Variants in ARHGAP4 observed in about 807,000 individuals in gnomAD.
The protein encoded by ARHGAP4 is rho GTPase-activating protein 4.
In ARHGAP4, 25 loss-of-function variants were observed where a neutral mutation model predicts 67.6. That is an observed-to-expected ratio of 0.37 (90% CI 0.27 to 0.52). The LOEUF is 0.52. Among genes scored for constraint, ARHGAP4 ranks in the 20% least tolerant of loss-of-function variants. ARHGAP4 has a pLI of 0.92. For missense variants in ARHGAP4, 804 were observed against 854.6 expected (o/e 0.94, Z 0.74); for synonymous variants, 448 against 373.7 (o/e 1.20, Z -2.29).
At chrX:153,920,915 T>A (rs949451421) in intron 4 of ARHGAP4, 107 bp from the exon 5 acceptor site, 243 of 1,069,731 alleles carry the variant, frequency 2.3e-4, no homozygotes, top group South Asian at 3.4e-4. Context: ...AGCTGGGCGA[T>A]CCCATGTGAG....
At chrX:153,922,969 C>T (rs1164450156) in intron 1 of ARHGAP4, among the ~76,000 whole-genome samples, 5 of 110,668 alleles carry the variant, frequency 4.5e-5, no homozygotes, top group Non-Finnish European at 9.5e-5. Flanking sequence ...GGGAGGACCT[C>T]TTTTTAAAGG....
chrX:153,910,657 C>G (rs1557102914), intron 15 of ARHGAP4, 43 bp downstream of exon 15: 1 of 1,181,845 alleles, frequency 8.5e-7, no homozygotes, highest in African/African-American at 1.8e-5. Flanking sequence ...CGGGGCTGCC[C>G]CAGCAAGTGC....
chrX:153,916,602 A>G (rs907189925), intron 7 of ARHGAP4, among the ~76,000 whole-genome samples: 4 of 113,005 alleles, frequency 3.5e-5, no homozygotes, highest in Admixed American at 1.9e-4. Context: ...CACCACAGAC[A>G]CCCACATTTG....
At position 153,910,012 on chromosome X, in the gene ARHGAP4, C is replaced by T. The variant is rs1557102521; in HGVS notation, c.2230G>A (p.Asp744Asn). 8.3e-7 allele frequency: 1 copy of T among 1,211,322 alleles called. No homozygotes were observed. Among genetic ancestry groups the T allele is most frequent in the East Asian group, 3.0e-5 (1 of 33,842 alleles). Residue 744 changes from aspartate (D) to asparagine (N), a missense_variant and splice_region_variant, in exon 18 of 22, where the codon GAC (aspartate) becomes AAC (asparagine). Physicochemically the swap from Asp to Asn is conservative, Grantham distance 23. Transcript: ENST00000350060. Reference sequence around the variant, plus strand: ...GGGGCTCTCTGCCCATCGCCCTCACCATCCTCCTGTGCGGGCATCTCGGCT... The same window carrying T: ...GGGGCTCTCTGCCCATCGCCCTCACTATCCTCCTGTGCGGGCATCTCGGCT... ...LEAEMPAQED[D>N]LEGVVEAVAC...
At position 153,921,716 on chromosome X, in the gene ARHGAP4, C is replaced by T; in HGVS notation, c.161G>A (p.Arg54Gln). 2 of 1,203,604 alleles carry T rather than the reference C, an allele frequency of 1.7e-6. No individual in the cohort carries two copies. Among genetic ancestry groups the T allele is most frequent in the Non-Finnish European group, 2.2e-6 (2 of 891,717 alleles). The change falls in exon 2 of 22, where the codon CGG (arginine) becomes CAG (glutamine). Residue 54 changes from arginine to glutamine, a missense_variant. Arg to Gln is a conservative substitution (Grantham distance 43, BLOSUM62 1). This residue lies in a region of ARHGAP4 where 404 missense variants were observed against 505.9 expected (regional missense o/e 0.80). Coordinates refer to ENST00000350060, the MANE Select transcript of ARHGAP4 (RefSeq NM_001666.5). ...TTCCAGCTCCACCTCAGCGCGGCGC[C>T]GCATGAACTCTGCCAGCTCCTGCAG... ...ELLQELAEFM[R>Q]RRAEVELEYS...
In ARHGAP4 at chrX:153,913,490, C is replaced by T; in HGVS notation, c.1245G>A (p.Lys415=). The T allele has an allele frequency of 8.3e-7, 1 of 1,212,006 alleles. No individual in the cohort carries two copies. Among genetic ancestry groups the T allele is most frequent in the East Asian group, 3.0e-5 (1 of 33,848 alleles). The change falls in exon 9 of 22, where the codon AAG becomes AAA. Residue 415 remains lysine (K), a synonymous_variant. Transcript: ENST00000350060. ...FQTSPSTESL[K]STSSDPGSRQ... The stretch of plus-strand genomic sequence containing the variant: ...GGCTGCCTGGGTCTGAGCTGGTGGA[C>T]TTGAGGGACTCGGTGGAGGGGCTGG...
At position 153,909,173 on chromosome X, in the gene ARHGAP4, C is replaced by T; in HGVS notation, c.2508-4G>A. 8.4e-7 allele frequency: 1 copy of T among 1,196,272 alleles called. No individual in the cohort carries two copies. On this transcript the variant is annotated splice_polypyrimidine_tract_variant and splice_region_variant and intron_variant, in intron 20 of 21. Transcript: ENST00000350060. ...AGGTGAGGTGCATGGCTCTGGCCTG[C>T]AGGACAGACAGGGAGCCTGGTGGGG...
chrX:153,910,702 G>A lies in ARHGAP4; in HGVS notation c.1814C>T (p.Ser605Leu), dbSNP rs781979453. Residue 605 changes from serine to leucine, a missense_variant and splice_region_variant, in exon 15 of 22, where the codon TCG (serine) becomes TTG (leucine). By Grantham distance (145) the Ser-to-Leu change is moderately radical (BLOSUM62 -2). This residue lies in a region of ARHGAP4 where 400 missense variants were observed against 348.7 expected (regional missense o/e 1.15). Transcript: ENST00000350060. ...CCAGCCTCAGGCCCCAGCCTCACCC[G>A]AAGAAGCCAGCAGCTCGCCGAACAG... The part of the protein sequence containing the change: ...PDLFGELLAS[S>L]ELEATAERVE... 2.6e-5 allele frequency: 31 copies of A among 1,192,705 alleles called. No individual in the cohort carries two copies. The highest frequency in any genetic ancestry group is 3.2e-5 in the Non-Finnish European group (28 of 886,088).
Position 153,921,169 on chromosome X carries a change from G to A in ARHGAP4, c.436-10C>T, listed in dbSNP as rs782775267. The stretch of plus-strand genomic sequence containing the variant: ...GCTCCAGATCCCTGCTCTAGAGGCA[G>A]AGGCAAGGGTGAGCACGGCACTGCC... On this transcript the variant is annotated splice_polypyrimidine_tract_variant and intron_variant, in intron 3 of 21. Coordinates refer to ENST00000350060, the MANE Select transcript of ARHGAP4 (RefSeq NM_001666.5). 1 of 1,198,389 alleles carries A rather than the reference G, an allele frequency of 8.3e-7. No homozygotes were observed. Among genetic ancestry groups the A allele is most frequent in the Non-Finnish European group, 1.1e-6 (1 of 888,168 alleles).
In ARHGAP4 at chrX:153,914,048, A is replaced by T. The variant is rs1460867224; in HGVS notation, c.1033-169T>A. 3 of 450,988 alleles carry T rather than the reference A, an allele frequency of 6.7e-6. No homozygotes were observed. The African/African-American group carries it at 7.3e-5, about 11-fold the overall frequency. The allele number at this position is 450,988 out of a possible 1,213,427, so 37.2% of individuals were successfully genotyped here. On this transcript the variant is annotated intron_variant, in intron 7 of 21. Transcript: ENST00000350060. ...GGCAGGAGTGAACACACGTGTCCAA[A>T]CCAAGACTTGTCCACAGAGGTTCGT...
At chrX:153,917,947 A>C (rs1400357639) in intron 7 of ARHGAP4, among the ~76,000 whole-genome samples, 1 of 111,876 alleles carries the variant, frequency 8.9e-6, no homozygotes, top group Admixed American at 9.5e-5. Flanking sequence ...CGCAGAGGAG[A>C]AGGTTGACCT....
intron 2 of ARHGAP4, 38 bp downstream of exon 2, chrX:153,921,567 G>A: frequency 8.3e-7 from 1 of 1,203,280 alleles, no homozygotes; most frequent in South Asian, 1.8e-5. Context: ...AGCGGAGCTT[G>A]GGCCCTGCCG....
In ARHGAP4 at chrX:153,913,987, C is replaced by A. The variant is rs1225100143; in HGVS notation, c.1033-108G>T. 6 of 645,154 alleles carry A rather than the reference C, an allele frequency of 9.3e-6. No homozygotes were observed. In the East Asian group the frequency reaches 1.8e-4, roughly 19 times the overall value. 53.2% of individuals were successfully genotyped at this position (645,154 alleles called of 1,213,427 possible). A position where few individuals can be genotyped will look rare whatever the true frequency, so the allele number is the denominator to read the frequency against. ...ACCCTTTTGTGGCCTGGCGGCCGGGCACAGGACCACCAGCCCAGACGCTCA... is the reference window on the plus strand; with the variant it reads ...ACCCTTTTGTGGCCTGGCGGCCGGGAACAGGACCACCAGCCCAGACGCTCA... On this transcript the variant is annotated intron_variant, in intron 7 of 21. Coordinates refer to ENST00000350060, the MANE Select transcript of ARHGAP4 (RefSeq NM_001666.5).
rs5987182 is a variant in ARHGAP4 at position 153,921,489 on chromosome X, G to A, written c.311C>T (p.Ala104Val). Residue 104 changes from alanine (A) to valine (V), a missense_variant, in exon 3 of 22, where the codon GCG becomes GTG. Ala to Val is a moderately conservative substitution (Grantham distance 64). Transcript: ENST00000350060. The part of the protein sequence containing the change: ...PSLLSPLHCW[A>V]VLLQHTRQQS... ...CTGCCGCGTGTGCTGCAGCAGCACC[G>A]CCCAGCAGTGCAAGGGCGACAGGAG... The A allele has an allele frequency of 6.8e-3, 8,109 of 1,196,678 alleles. 226 individuals carry two copies. In the African/African-American group the frequency reaches 0.1, roughly 15 times the overall value.
At position 153,921,105 on chromosome X, in the gene ARHGAP4, G is replaced by C; in HGVS notation, c.490C>G (p.Leu164Val). 1 of 1,203,501 alleles carries C rather than the reference G, an allele frequency of 8.3e-7. No homozygotes were observed. The highest frequency in any genetic ancestry group is 1.1e-6 in the Non-Finnish European group (1 of 890,929). The part of the protein sequence containing the change: ...QDELLEVVSE[L>V]QTAKKTYQAY... ...CCCAGCCCTTTCCTCACCGTCTGGA[G>C]CTCTGAGACCACCTCCAGGAGCTCA... The change falls in exon 4 of 22, where the codon CTC becomes GTC. Residue 164 changes from leucine to valine, a missense_variant. Transcript: ENST00000350060.
chrX:153,909,532 C>G lies in ARHGAP4; in HGVS notation c.2418G>C (p.Thr806=), dbSNP rs782725498. Residue 806 remains threonine (T), a synonymous_variant, in exon 20 of 22, where the codon ACG becomes ACC. Transcript: ENST00000350060. ...PHKYITLPAG[T]EKQVVGAGLQ... Reference sequence around the variant, plus strand: ...GCCCTGCGCCCACCACCTGCTTCTCCGTCCTGCGGTGGGAAGGACCGGCCT... The same window carrying G: ...GCCCTGCGCCCACCACCTGCTTCTCGGTCCTGCGGTGGGAAGGACCGGCCT... 2 of 1,204,257 alleles carry G rather than the reference C, an allele frequency of 1.7e-6. No homozygotes were observed. Among genetic ancestry groups the G allele is most frequent in the East Asian group, 3.0e-5 (1 of 33,706 alleles).
chrX:153,926,051 G>T, intron 1 of ARHGAP4, 85 bp downstream of exon 1: 5 of 1,127,173 alleles, frequency 4.4e-6, no homozygotes, highest in South Asian at 1.9e-5. Context: ...ATCGGGCCCT[G>T]GGCCAGCGCG....
At chrX:153,913,692 G>C (rs1315429475) in intron 8 of ARHGAP4, 86 bp downstream of exon 8, 2 of 1,149,605 alleles carry the variant, frequency 1.7e-6, no homozygotes, top group Admixed American at 2.3e-5. Flanking sequence ...AAAGGGAGGG[G>C]GGCAGGCAGG....
At chrX:153,926,011 AC>A in intron 1 of ARHGAP4, 124 bp downstream of exon 1, 1 of 981,428 alleles carries the variant, frequency 1.0e-6, no homozygotes. Context: ...TCCCTCCTCC[AC>A]CCCCGCTCCA....
Sources: allele counts gnomAD v4.1 joint callset (sites outside exome capture counted in the v4.1 genomes callset), GRCh38; gene constraint gnomAD v4.1.1; regional missense constraint gnomAD v4.1.1; transcripts MANE v1.5; gene names NCBI Gene and HGNC (gene_info 2026-07-23, HGNC 2026-07-21).